CCSER1: variants seen among roughly 807,000 people sequenced by gnomAD.
CCSER1 encodes the protein serine-rich coiled-coil domain-containing protein 1.
A neutral mutation model predicts 82.0 loss-of-function variants in CCSER1; 41 were observed. That is an observed-to-expected ratio of 0.50 (90% CI 0.39 to 0.65). CCSER1 has a LOEUF of 0.65. Among genes scored for constraint, CCSER1 ranks in the 30% least tolerant of loss-of-function variants. CCSER1 has a pLI of 0.00. For synonymous variants in CCSER1, 414 were observed against 383.9 expected, an observed-to-expected ratio of 1.08 and a Z score of -0.92; for missense variants, 1,119 against 1,064.2, an observed-to-expected ratio of 1.05 and a Z score of -0.72.
chr4:91,440,880 T>G (rs1755080315), intron 10 of CCSER1, among the ~76,000 whole-genome samples: 1 of 152,128 alleles, frequency 6.6e-6, no homozygotes, highest in African/African-American at 2.4e-5. Flanking sequence ...AAGAAATGGA[T>G]AAATTCCTCG....
intron 1 of CCSER1, among the ~76,000 whole-genome samples, chr4:90,286,311 T>C (rs961986161): frequency 6.6e-6 from 1 of 152,068 alleles, no homozygotes; most frequent in Non-Finnish European, 1.5e-5. Context: ...TCTCTTTCAC[T>C]ACCTGTTATT....
Position 90,726,926 on chromosome 4 carries a change from A to G in CCSER1, c.2010+2935A>G, listed in dbSNP as rs80269086. ...ACTCCAGGTCACCACAGTCATCACC[A>G]TTCCTACTATATTCATGCCAGGTGA... On this transcript the variant is annotated intron_variant, in intron 7 of 10. Coordinates refer to ENST00000509176, the MANE Select transcript of CCSER1 (RefSeq NM_001145065.2). Among the ~76,000 whole-genome samples, 72 of 152,258 alleles carry G rather than the reference A, an allele frequency of 4.7e-4. 1 individual carries two copies. The East Asian group carries it at 0.011, about 24-fold the overall frequency.
intron 3 of CCSER1, among the ~76,000 whole-genome samples, chr4:90,360,452 G>A (rs1745176784): frequency 6.6e-6 from 1 of 150,640 alleles, no homozygotes; most frequent in African/African-American, 2.4e-5. Context: ...TGAGGCAGGA[G>A]AATGGGGAGA....
chr4:90,565,080 G>A lies in CCSER1; in HGVS notation c.1725-62945G>A, dbSNP rs142419965. 5.0e-4 allele frequency among the ~76,000 whole-genome samples: 76 copies of A among 151,314 alleles called. 1 individual carries two copies. In the East Asian group the frequency reaches 0.013, roughly 27 times the overall value. ...AAGATTGTCATTGGTATATTGATAG[G>A]TATTGTGTTAAATCTGTAGGTTACT... On this transcript the variant is annotated intron_variant, in intron 5 of 10. Coordinates refer to ENST00000509176, the MANE Select transcript of CCSER1 (RefSeq NM_001145065.2).
intron 10 of CCSER1, among the ~76,000 whole-genome samples, chr4:91,568,945 C>A (rs552943690): frequency 2.0e-5 from 3 of 152,132 alleles, no homozygotes; most frequent in Non-Finnish European, 4.4e-5. Flanking sequence ...GGAGTTCTTG[C>A]ACTGGTTCTT....
At chr4:90,229,161 A>G (rs1433217437) in intron 1 of CCSER1, among the ~76,000 whole-genome samples, 1 of 152,206 alleles carries the variant, frequency 6.6e-6, no homozygotes, top group African/African-American at 2.4e-5. Flanking sequence ...TCCAAGACAC[A>G]TAATTGTCAG....
At chr4:91,512,425 TG>T (rs1249549957) in intron 10 of CCSER1, among the ~76,000 whole-genome samples, 2 of 152,166 alleles carry the variant, frequency 1.3e-5, no homozygotes, top group African/African-American at 4.8e-5. Flanking sequence ...ACCAGTGGTT[TG>T]CCAAGGGCTC....
At chr4:90,333,132 A>T (rs577575622) in intron 3 of CCSER1, among the ~76,000 whole-genome samples, 1 of 152,184 alleles carries the variant, frequency 6.6e-6, no homozygotes, top group Non-Finnish European at 1.5e-5. Context: ...TTAGTGGATC[A>T]TGTCAGGGGG....
chr4:90,225,604 G>C, intron 1 of CCSER1, among the ~76,000 whole-genome samples: 1 of 152,264 alleles, frequency 6.6e-6, no homozygotes, highest in Middle Eastern at 3.4e-3. Context: ...ATAAGTGCTG[G>C]AACTAGTCTT....
At chr4:90,503,745 TC>T (rs1399478842) in intron 5 of CCSER1, among the ~76,000 whole-genome samples, 4 of 152,174 alleles carry the variant, frequency 2.6e-5, no homozygotes, top group African/African-American at 9.7e-5. Flanking sequence ...CATGAACTCA[TC>T]ATTTTTTATG....
intron 1 of CCSER1, among the ~76,000 whole-genome samples, chr4:90,164,720 G>A (rs140777260): frequency 1.1e-3 from 171 of 152,210 alleles, no homozygotes; most frequent in South Asian, 2.3e-3. Context: ...TGTGTTGAAT[G>A]AGACTTTGTC....
At position 91,604,355 on chromosome 4, in the gene CCSER1, G is replaced by A. The variant is rs561285063; in HGVS notation, c.*5298G>A. 3.8e-4 allele frequency: 57 copies of A among 151,988 alleles called. No individual in the cohort carries two copies. The highest frequency in any genetic ancestry group is 7.2e-4 in the Non-Finnish European group (49 of 67,916). The allele number at this position is 151,988 out of a possible 1,614,324, so 9.4% of individuals were successfully genotyped here. On this transcript the variant is annotated 3_prime_UTR_variant, in exon 11 of 11. Coordinates refer to ENST00000509176, the MANE Select transcript of CCSER1 (RefSeq NM_001145065.2). ...AAAAATTAAGCAATGATCTATTTTA[G>A]GAAATCAAAATACTGTTCATTGAAA...
chr4:91,024,096 A>G (rs1740269587), intron 9 of CCSER1, among the ~76,000 whole-genome samples: 1 of 152,106 alleles, frequency 6.6e-6, no homozygotes, highest in African/African-American at 2.4e-5. Context: ...TTATAAAGCC[A>G]CGAGTTCCCT....
At chr4:90,826,215 G>A (rs1318640340) in intron 8 of CCSER1, among the ~76,000 whole-genome samples, 1 of 152,170 alleles carries the variant, frequency 6.6e-6, no homozygotes, top group Non-Finnish European at 1.5e-5. Flanking sequence ...TGAGTTTGGT[G>A]ACGTGGAATC....
In CCSER1 at chr4:90,918,253, T is replaced by C. The variant is rs761248095; in HGVS notation, c.2095-5117T>C. 2.4e-5 allele frequency: 11 copies of C among 455,670 alleles called. 2 individuals are homozygous for C. The highest frequency in any genetic ancestry group is 1.7e-4 in the South Asian group (11 of 64,332). 28.2% of individuals were successfully genotyped at this position (455,670 alleles called of 1,614,324 possible). A position where few individuals can be genotyped will look rare whatever the true frequency, so the allele number is the denominator to read the frequency against. ...AGATTCTAAAGCAAACTACTACACG[T>C]AGGCCATCATGTTCCAAGTTTTTGA... On this transcript the variant is annotated intron_variant, in intron 8 of 10. Coordinates refer to ENST00000509176, the MANE Select transcript of CCSER1 (RefSeq NM_001145065.2).
At chr4:90,267,405 G>A (rs954412099) in intron 1 of CCSER1, among the ~76,000 whole-genome samples, 4 of 152,098 alleles carry the variant, frequency 2.6e-5, no homozygotes, top group African/African-American at 9.7e-5. Flanking sequence ...ACCCACCTGG[G>A]GCCTGGGGAC....
chr4:90,381,398 A>G (rs1749183606), intron 3 of CCSER1, among the ~76,000 whole-genome samples: 1 of 152,228 alleles, frequency 6.6e-6, no homozygotes, highest in Non-Finnish European at 1.5e-5. Flanking sequence ...TTTACGGGAA[A>G]ATGGTGAAAA....
chr4:91,273,581 T>C (rs115472125), intron 10 of CCSER1, among the ~76,000 whole-genome samples: 10,588 of 152,210 alleles, frequency 0.07, 406 homozygotes, highest in East Asian at 0.12. Flanking sequence ...TCTTTACCGA[T>C]TTGAATGCCC....
chr4:91,203,241 G>A (rs1490348692), intron 10 of CCSER1, among the ~76,000 whole-genome samples: 2 of 151,802 alleles, frequency 1.3e-5, no homozygotes, highest in African/African-American at 4.8e-5. Context: ...TTTCTCTGAT[G>A]GCCAGTGATG....
Sources: gnomAD v4.1 joint callset for allele counts (sites outside exome capture counted in the v4.1 genomes callset) on GRCh38, gnomAD v4.1.1 for gene constraint, MANE v1.5 for transcripts, NCBI Gene and HGNC (gene_info 2026-07-23, HGNC 2026-07-21) for gene names.